MBD5: variants seen among roughly 807,000 people sequenced by gnomAD.
The protein encoded by MBD5 is methyl-CpG binding domain protein 5, also known as methyl-CpG-binding domain protein 5.
Under a neutral mutation model 117.3 loss-of-function variants are expected in MBD5, and 13 were observed. That is an observed-to-expected ratio of 0.11 (90% CI 0.07 to 0.18). The LOEUF is 0.18. MBD5 is among the 10% of genes least tolerant of loss of function. The pLI is 1.00. For missense variants in MBD5, 1,879 were observed against 2,093.8 expected, an observed-to-expected ratio of 0.90 and a Z score of 2.00; for synonymous variants, 727 against 766.4, an observed-to-expected ratio of 0.95 and a Z score of 0.85.
At chr2:148,214,005 T>TAG (rs1699492006) in intron 2 of MBD5, among the ~76,000 whole-genome samples, 1 of 152,218 alleles carries the variant, frequency 6.6e-6, no homozygotes, top group South Asian at 2.1e-4. Context: ...AACATGCTTC[T>TAG]TAGGCCTCTA....
intron 1 of MBD5, among the ~76,000 whole-genome samples, chr2:148,139,266 A>G (rs1013094719): frequency 6.6e-6 from 1 of 151,934 alleles, no homozygotes; most frequent in African/African-American, 2.4e-5. Context: ...GAGTGCAGTG[A>G]CGCAATCTCG....
At chr2:148,048,468 T>C (rs975820094) in intron 1 of MBD5, among the ~76,000 whole-genome samples, 2 of 152,168 alleles carry the variant, frequency 1.3e-5, no homozygotes, top group Admixed American at 6.5e-5. Flanking sequence ...TAATACAACC[T>C]GGCAAATGCT....
At chr2:148,300,361 T>A (rs1701754211) in intron 3 of MBD5, among the ~76,000 whole-genome samples, 1 of 152,188 alleles carries the variant, frequency 6.6e-6, no homozygotes, top group Non-Finnish European at 1.5e-5. Context: ...GCATGGGGAT[T>A]GTTTTTTAGA....
At chr2:148,235,908 C>T (rs1273925503) in intron 3 of MBD5, among the ~76,000 whole-genome samples, 1 of 152,090 alleles carries the variant, frequency 6.6e-6, no homozygotes, top group Non-Finnish European at 1.5e-5. Flanking sequence ...AAGTGATTCT[C>T]CCACCTCAGC....
At chr2:148,119,380 T>G (rs1265911843) in intron 1 of MBD5, among the ~76,000 whole-genome samples, 2 of 152,188 alleles carry the variant, frequency 1.3e-5, no homozygotes, top group Non-Finnish European at 2.9e-5. Context: ...TACTGAGTTT[T>G]AAGTGTTATT....
chr2:148,365,555 G>T (rs1703670959), intron 4 of MBD5, among the ~76,000 whole-genome samples: 1 of 151,950 alleles, frequency 6.6e-6, no homozygotes, highest in East Asian at 1.9e-4. Flanking sequence ...TTTTTGAAAA[G>T]ATTAACAAAA....
intron 2 of MBD5, among the ~76,000 whole-genome samples, chr2:148,229,048 T>C (rs1183561726): frequency 6.6e-6 from 1 of 152,168 alleles, no homozygotes; most frequent in African/African-American, 2.4e-5. Context: ...TGTTGATCTT[T>C]TCAAAAAACC....
chr2:148,206,606 C>T (rs1039639195), intron 2 of MBD5, among the ~76,000 whole-genome samples: 1 of 152,134 alleles, frequency 6.6e-6, no homozygotes, highest in Non-Finnish European at 1.5e-5. Flanking sequence ...CTCCATCTCC[C>T]CTCCCCACTG....
intron 4 of MBD5, among the ~76,000 whole-genome samples, chr2:148,374,252 C>G (rs1234177767): frequency 7.3e-6 from 1 of 137,608 alleles, no homozygotes; most frequent in Non-Finnish European, 1.7e-5. Flanking sequence ...CACACACACA[C>G]ACACACACAC....
At chr2:148,147,873 C>G (rs369854509) in intron 1 of MBD5, among the ~76,000 whole-genome samples, 3 of 152,076 alleles carry the variant, frequency 2.0e-5, no homozygotes, top group African/African-American at 7.2e-5. Context: ...TTGCACAGAG[C>G]CTCAAAGTCA....
intron 8 of MBD5, among the ~76,000 whole-genome samples, chr2:148,477,225 C>A (rs1281646274): frequency 2.0e-5 from 3 of 152,086 alleles, no homozygotes; most frequent in Non-Finnish European, 4.4e-5. Flanking sequence ...CATCATATTC[C>A]AAGATTCAAG....
chr2:148,130,040 C>T (rs1574045911), intron 1 of MBD5, among the ~76,000 whole-genome samples: 1 of 152,206 alleles, frequency 6.6e-6, no homozygotes, highest in South Asian at 2.1e-4. Flanking sequence ...CATGACATGG[C>T]AGACATTTAG....
At chr2:148,190,909 A>G (rs1366285286) in intron 2 of MBD5, among the ~76,000 whole-genome samples, 1 of 120,678 alleles carries the variant, frequency 8.3e-6, no homozygotes, top group Non-Finnish European at 1.7e-5. Context: ...AGGATGGAGG[A>G]AGATCTACCA....
chr2:148,469,281 G>A lies in MBD5; in HGVS notation c.1338G>A (p.Met446Ile). The A allele has an allele frequency of 6.2e-7, 1 of 1,613,864 alleles. No individual in the cohort carries two copies. ...PSPVTSPVHM[M>I]GTGIGRIEAS... ...CAGTGACATCCCCCGTGCACATGATGGGGACTGGAATTGGAAGGATTGAGG... is the reference window on the plus strand; with the variant it reads ...CAGTGACATCCCCCGTGCACATGATAGGGACTGGAATTGGAAGGATTGAGG... Residue 446 changes from methionine to isoleucine, a missense_variant, in exon 8 of 14, where the codon ATG becomes ATA. Met to Ile is a conservative substitution (Grantham distance 10). Around this residue, in one of 4 missense-constraint regions of MBD5, gnomAD observed 1,666 missense variants for 1,792.2 expected, o/e 0.93. Coordinates refer to ENST00000642680, the MANE Select transcript of MBD5 (RefSeq NM_001378120.1).
At chr2:148,345,344 T>TACATATAC (rs76473074) in intron 4 of MBD5, among the ~76,000 whole-genome samples, 1 of 149,364 alleles carries the variant, frequency 6.7e-6, no homozygotes, top group Non-Finnish European at 1.5e-5. Flanking sequence ...TATACACATA[T>TACATATAC]ACATATACAC....
intron 1 of MBD5, among the ~76,000 whole-genome samples, chr2:148,049,381 TG>T: frequency 6.6e-6 from 1 of 152,278 alleles, no homozygotes; most frequent in East Asian, 1.9e-4. Context: ...TGTTATGCTG[TG>T]GTTTTGCACT....
intron 3 of MBD5, among the ~76,000 whole-genome samples, chr2:148,263,377 G>A (rs1421100000): frequency 4.6e-5 from 7 of 152,112 alleles, no homozygotes; most frequent in Non-Finnish European, 7.4e-5. Context: ...GGAGGGAGAC[G>A]AAGAGAGGAG....
chr2:148,411,635 G>A (rs1307113566), intron 4 of MBD5, among the ~76,000 whole-genome samples: 1 of 149,454 alleles, frequency 6.7e-6, no homozygotes, highest in East Asian at 2.0e-4. Context: ...TTAATGCTTG[G>A]TTCCTTGGAA....
At chr2:148,223,851 G>A (rs1021469651) in intron 2 of MBD5, among the ~76,000 whole-genome samples, 12 of 151,862 alleles carry the variant, frequency 7.9e-5, no homozygotes, top group African/African-American at 2.9e-4. Context: ...TTTTCATGTA[G>A]GCACTTATGG....
Sources: gnomAD v4.1 joint callset for allele counts (sites outside exome capture counted in the v4.1 genomes callset) on GRCh38, gnomAD v4.1.1 for gene constraint, gnomAD v4.1.1 regional missense constraint, MANE v1.5 for transcripts, NCBI Gene and HGNC (gene_info 2026-07-23, HGNC 2026-07-21) for gene names.